PCDHA12: variants seen among roughly 807,000 people sequenced by gnomAD.
PCDHA12 encodes protocadherin alpha 12, also known as protocadherin alpha-12.
Under a neutral mutation model 60.0 loss-of-function variants are expected in PCDHA12, and 44 were observed. The ratio of observed to expected loss-of-function variants is 0.73; its 90% CI spans 0.58 to 0.94. The LOEUF is 0.94. Among genes scored for constraint, PCDHA12 ranks in the 40% least tolerant of loss-of-function variants. The probability of loss-of-function intolerance (pLI) is 0.00; values close to 1 mark genes in which losing one functional copy is unlikely to be tolerated. For synonymous variants in PCDHA12, 569 were observed against 553.0 expected, an observed-to-expected ratio of 1.03 and a Z score of -0.40; for missense variants, 1,276 against 1,239.7, an observed-to-expected ratio of 1.03 and a Z score of -0.44.
rs2096251750 is a variant in PCDHA12 at position 140,968,509 on chromosome 5, C to T, written c.2368-10440C>T. 3 of 1,614,162 alleles carry T rather than the reference C, an allele frequency of 1.9e-6. No individual in the cohort carries two copies. In the South Asian group the frequency reaches 3.3e-5, roughly 18 times the overall value. On this transcript the variant is annotated intron_variant, in intron 1 of 3. Coordinates refer to ENST00000398631, the MANE Select transcript of PCDHA12 (RefSeq NM_018903.4). Reference sequence around the variant, plus strand: ...ATGACCATGCCCCTCACATTCTGTACCCTACCTCAACCAACTCGTCAGCAG... The same window carrying T: ...ATGACCATGCCCCTCACATTCTGTATCCTACCTCAACCAACTCGTCAGCAG...
At chr5:140,902,920 C>T (rs1186097921) in intron 1 of PCDHA12, among the ~76,000 whole-genome samples, 1 of 152,304 alleles carries the variant, frequency 6.6e-6, no homozygotes, top group Non-Finnish European at 1.5e-5. Context: ...AGTAGTATTG[C>T]ATGGTGTATA....
intron 1 of PCDHA12, among the ~76,000 whole-genome samples, chr5:140,914,027 T>C (rs188298966): frequency 6.6e-6 from 1 of 152,186 alleles, no homozygotes; most frequent in Non-Finnish European, 1.5e-5. Context: ...ATCCACGTGC[T>C]GAGAAGAATG....
chr5:140,900,143 G>C (rs1198470231), intron 1 of PCDHA12, among the ~76,000 whole-genome samples: 2 of 152,156 alleles, frequency 1.3e-5, no homozygotes, highest in African/African-American at 2.4e-5. Flanking sequence ...AAATAAGTAA[G>C]AACATACGAT....
intron 3 of PCDHA12, among the ~76,000 whole-genome samples, chr5:140,999,978 G>A (rs980753359): frequency 5.9e-5 from 9 of 151,942 alleles, no homozygotes; most frequent in South Asian, 2.1e-4. Flanking sequence ...CAGCTCTAGC[G>A]GCCTCTGGGT....
intron 1 of PCDHA12, among the ~76,000 whole-genome samples, chr5:140,940,230 T>C (rs1554213224): frequency 6.6e-6 from 1 of 152,212 alleles, no homozygotes; most frequent in Non-Finnish European, 1.5e-5. Flanking sequence ...TTCATTTTGG[T>C]ACATTAAAGT....
intron 1 of PCDHA12, among the ~76,000 whole-genome samples, chr5:140,910,047 A>G (rs1454501128): frequency 2.0e-5 from 3 of 152,208 alleles, no homozygotes; most frequent in African/African-American, 4.8e-5. Context: ...CTTGGTCATA[A>G]TAAGTGATCT....
intron 1 of PCDHA12, among the ~76,000 whole-genome samples, chr5:140,924,892 C>A: frequency 1.2e-5 from 1 of 82,680 alleles, no homozygotes; most frequent in Admixed American, 1.2e-4. Context: ...AAGAACCTGT[C>A]TCAAAAAAAA....
intron 1 of PCDHA12, among the ~76,000 whole-genome samples, chr5:140,878,995 A>G (rs2057802646): frequency 6.6e-6 from 1 of 152,246 alleles, no homozygotes; most frequent in South Asian, 2.1e-4. Context: ...AAATGAGAGT[A>G]TGCCCTAGAA....
intron 1 of PCDHA12, among the ~76,000 whole-genome samples, chr5:140,959,954 A>G (rs1054998147): frequency 6.6e-6 from 1 of 152,198 alleles, no homozygotes; most frequent in East Asian, 1.9e-4. Context: ...TATCATAGGT[A>G]GGAGGTAGAT....
intron 1 of PCDHA12, among the ~76,000 whole-genome samples, chr5:140,952,848 T>A (rs10476804): frequency 0.013 from 2,044 of 152,238 alleles, 38 homozygotes; most frequent in African/African-American, 0.047. Context: ...CTGCTTGTCT[T>A]CTGGGGAGGC....
intron 1 of PCDHA12, among the ~76,000 whole-genome samples, chr5:140,923,228 CCAGAA>C (rs2081257346): frequency 1.4e-5 from 1 of 71,808 alleles, no homozygotes; most frequent in Admixed American, 1.5e-4. Flanking sequence ...TCGTTTGAGC[CCAGAA>C]GTTTGAGACC....
intron 1 of PCDHA12, among the ~76,000 whole-genome samples, chr5:140,890,820 G>T (rs945332484): frequency 1.3e-5 from 2 of 152,080 alleles, no homozygotes; most frequent in East Asian, 3.9e-4. Flanking sequence ...TGTTTTAAAT[G>T]TACTTACATA....
Position 140,877,634 on chromosome 5 carries a change from T to C in PCDHA12, c.2162T>C (p.Leu721Pro). ...LVLTLLLYTALRCSAPPTVSR... is the reference protein window; with the variant it reads ...LVLTLLLYTAPRCSAPPTVSR... ...CTCACGCTGCTGCTGTACACTGCGCTGCGTTGCTCAGCGCCGCCCACCGTG... is the reference window on the plus strand; with the variant it reads ...CTCACGCTGCTGCTGTACACTGCGCCGCGTTGCTCAGCGCCGCCCACCGTG... The change falls in exon 1 of 4, where the codon CTG becomes CCG. Residue 721 changes from leucine to proline, a missense_variant. Transcript: ENST00000398631. 6.2e-7 allele frequency: 1 copy of C among 1,613,738 alleles called. No individual in the cohort carries two copies. The highest frequency in any genetic ancestry group is 8.5e-7 in the Non-Finnish European group (1 of 1,179,860).
At chr5:140,930,962 T>A (rs1193722929) in intron 1 of PCDHA12, among the ~76,000 whole-genome samples, 2 of 152,184 alleles carry the variant, frequency 1.3e-5, no homozygotes, top group African/African-American at 4.8e-5. Flanking sequence ...AAATGTACTG[T>A]TTCAATGATT....
At chr5:140,927,359 A>G in intron 1 of PCDHA12, 2 of 1,613,980 alleles carry the variant, frequency 1.2e-6, no homozygotes, top group Middle Eastern at 1.6e-4. Flanking sequence ...GAGGGAAGCA[A>G]TGGGATACTA....
At chr5:140,924,901 A>AAAAAAATAAAT (rs369245222) in intron 1 of PCDHA12, among the ~76,000 whole-genome samples, 34 of 80,504 alleles carry the variant, frequency 4.2e-4, no homozygotes, top group Non-Finnish European at 7.7e-4. Context: ...TCTCAAAAAA[A>AAAAAAATAAAT]AAAATAAAAT....
At position 140,929,210 on chromosome 5, in the gene PCDHA12, G is replaced by A. The variant is rs782078369; in HGVS notation, c.2368-49739G>A. The A allele has an allele frequency of 1.9e-6, 3 of 1,613,952 alleles. No individual in the cohort carries two copies. The South Asian group carries it at 3.3e-5, about 18-fold the overall frequency. The stretch of plus-strand genomic sequence containing the variant: ...GATAATAACAGTTTGCTGTTGCGTG[G>A]GGAGTACAATGCTGCCGACCTGCGA... On this transcript the variant is annotated intron_variant, in intron 1 of 3. Transcript: ENST00000398631.
intron 1 of PCDHA12, chr5:140,927,075 C>A (rs1304732952): frequency 1.9e-6 from 3 of 1,611,070 alleles, no homozygotes; most frequent in Non-Finnish European, 2.5e-6. Context: ...TTTCCAGCCA[C>A]CGCGAGCTCT....
intron 1 of PCDHA12, among the ~76,000 whole-genome samples, chr5:140,975,996 C>G (rs923472287): frequency 4.6e-5 from 7 of 152,064 alleles, no homozygotes; most frequent in African/African-American, 1.7e-4. Flanking sequence ...GAGGTACCAT[C>G]TAAGTATTAA....
Sources: gnomAD v4.1 joint callset for allele counts (sites outside exome capture counted in the v4.1 genomes callset) on GRCh38, gnomAD v4.1.1 for gene constraint, MANE v1.5 for transcripts, NCBI Gene and HGNC (gene_info 2026-07-23, HGNC 2026-07-21) for gene names.